CHRM2: variants seen among roughly 807,000 people sequenced by gnomAD.
CHRM2 encodes muscarinic acetylcholine receptor M2.
CHRM2 carries 8 observed loss-of-function variants against 25.0 expected under a neutral mutation model. That is an observed-to-expected ratio of 0.32 (90% CI 0.19 to 0.58). The LOEUF is 0.58. CHRM2 is among the 20% of genes least tolerant of loss of function. CHRM2 has a pLI of 0.88. For missense variants in CHRM2, 440 were observed against 567.1 expected (o/e 0.78, Z 2.28); for synonymous variants, 202 against 205.7 (o/e 0.98, Z 0.15).
chr7:136,980,618 A>G (rs987755331), intron 2 of CHRM2, among the ~76,000 whole-genome samples: 5 of 152,154 alleles, frequency 3.3e-5, no homozygotes, highest in Non-Finnish European at 7.4e-5. Context: ...GATGCGTTCC[A>G]TCAATACCTA....
At chr7:136,902,357 T>A (rs1319822397) in intron 2 of CHRM2, 2 of 152,044 alleles carry the variant, frequency 1.3e-5, no homozygotes, top group East Asian at 3.9e-4. Flanking sequence ...TCAGAAGAGT[T>A]TGAATTTAGG....
At chr7:136,897,130 CAAAAA>C (rs371077556) in intron 2 of CHRM2, among the ~76,000 whole-genome samples, 3 of 76,358 alleles carry the variant, frequency 3.9e-5, no homozygotes, top group Admixed American at 1.4e-4. Context: ...GTAGGTTGGC[CAAAAA>C]AAAAAAAAAA....
chr7:136,896,391 C>T (rs886951282), intron 2 of CHRM2, among the ~76,000 whole-genome samples: 4 of 152,070 alleles, frequency 2.6e-5, no homozygotes, highest in South Asian at 4.1e-4. Flanking sequence ...CAGCATTAAA[C>T]GAAATCTTCC....
intron 2 of CHRM2, among the ~76,000 whole-genome samples, chr7:136,942,596 C>T (rs1236366003): frequency 6.6e-6 from 1 of 152,146 alleles, no homozygotes; most frequent in Non-Finnish European, 1.5e-5. Flanking sequence ...ATTTTTAGTT[C>T]TCCTCTTGTC....
At chr7:136,960,951 C>A (rs1048212333) in intron 2 of CHRM2, among the ~76,000 whole-genome samples, 5 of 152,054 alleles carry the variant, frequency 3.3e-5, no homozygotes, top group African/African-American at 9.7e-5. Flanking sequence ...CAGGGTGAAA[C>A]CCCGTCTCTA....
chr7:136,910,172 G>C (rs1797764264), intron 2 of CHRM2, among the ~76,000 whole-genome samples: 1 of 151,810 alleles, frequency 6.6e-6, no homozygotes, highest in Admixed American at 6.6e-5. Context: ...AAAGATGCCT[G>C]TTTAATCACC....
chr7:136,897,263 A>G (rs931888906), intron 2 of CHRM2, among the ~76,000 whole-genome samples: 1 of 152,106 alleles, frequency 6.6e-6, no homozygotes. Flanking sequence ...GAGGAAGCCA[A>G]TGCATATCTA....
At chr7:136,904,520 T>C (rs1471829841) in intron 2 of CHRM2, among the ~76,000 whole-genome samples, 5 of 151,932 alleles carry the variant, frequency 3.3e-5, no homozygotes, top group Non-Finnish European at 5.9e-5. Context: ...GTTTTTCTCA[T>C]GCTTTTTTGC....
rs1228251291 is a variant in CHRM2, at chr7:136,869,060, C to T, written c.-283+68C>T. 2 of 152,070 alleles carry T rather than the reference C, an allele frequency of 1.3e-5. No homozygotes were observed. The highest frequency in any genetic ancestry group is 6.6e-5 in the Admixed American group (1 of 15,254). 9.4% of individuals were successfully genotyped at this position (152,070 alleles called of 1,614,324 possible). Reference sequence around the variant, plus strand: ...GAGGGCGGGGGCAGCGTCAATTTAACTCCAGTCTAAACCACGAACAGGTCA... The same window carrying T: ...GAGGGCGGGGGCAGCGTCAATTTAATTCCAGTCTAAACCACGAACAGGTCA... On this transcript the variant is annotated intron_variant, in intron 1 of 3. Transcript: ENST00000680005. This position sits in a 1 kb window ranked among gnomAD's most constrained non-coding sequence, Gnocchi z 4.9.
At chr7:137,010,241 G>T (rs1166333075) in intron 3 of CHRM2, among the ~76,000 whole-genome samples, 1 of 152,078 alleles carries the variant, frequency 6.6e-6, no homozygotes, top group Admixed American at 6.6e-5. Flanking sequence ...TTAAACTGTG[G>T]TTCTGTCTTC....
chr7:136,871,995 C>A (rs1795859101), intron 2 of CHRM2: 1 of 152,082 alleles, frequency 6.6e-6, no homozygotes, highest in South Asian at 2.1e-4. Context: ...CTGGGCTAGA[C>A]AATAATGCCA....
chr7:136,935,046 A>T, intron 2 of CHRM2, among the ~76,000 whole-genome samples: 1 of 152,136 alleles, frequency 6.6e-6, no homozygotes, highest in Admixed American at 6.5e-5. Flanking sequence ...TATTTTAAAG[A>T]TATCAATTGT....
intron 3 of CHRM2, among the ~76,000 whole-genome samples, chr7:137,001,939 G>A (rs903262525): frequency 1.3e-5 from 2 of 152,168 alleles, no homozygotes; most frequent in African/African-American, 4.8e-5. Flanking sequence ...GACAACCTAA[G>A]CCATCTCCTA....
intron 2 of CHRM2, among the ~76,000 whole-genome samples, chr7:136,931,168 A>G (rs1357766753): frequency 6.6e-6 from 1 of 152,190 alleles, no homozygotes; most frequent in Non-Finnish European, 1.5e-5. Flanking sequence ...TAACAGATAG[A>G]AACATGTTCA....
chr7:136,984,221 G>A (rs1046652783), intron 2 of CHRM2, among the ~76,000 whole-genome samples: 1 of 152,154 alleles, frequency 6.6e-6, no homozygotes, highest in Non-Finnish European at 1.5e-5. Context: ...ACACTTCCCA[G>A]AGGCTTTGTT....
chr7:136,938,000 C>T (rs11765746), intron 2 of CHRM2, among the ~76,000 whole-genome samples: 2 of 152,106 alleles, frequency 1.3e-5, no homozygotes, highest in Non-Finnish European at 2.9e-5. Context: ...GCAAGCGCAA[C>T]CACACTGGCA....
chr7:136,935,376 C>T (rs76951184), intron 2 of CHRM2, among the ~76,000 whole-genome samples: 2,013 of 152,224 alleles, frequency 0.013, 40 homozygotes, highest in African/African-American at 0.046. Context: ...GGTGAGTACA[C>T]AGTACCCCAG....
chr7:137,014,747 A>G, intron 3 of CHRM2, 73 bp from the exon 4 acceptor site: 1 of 940,594 alleles, frequency 1.1e-6, no homozygotes, highest in Non-Finnish European at 1.6e-6. Flanking sequence ...GTGGTTTAAA[A>G]GGAGAAACAA....
chr7:136,961,893 G>A (rs534774935), intron 2 of CHRM2, among the ~76,000 whole-genome samples: 8 of 152,222 alleles, frequency 5.3e-5, no homozygotes, highest in African/African-American at 9.6e-5. Context: ...GGACAGGGGC[G>A]TGGATCCTAG....
Sources: allele counts gnomAD v4.1 joint callset (sites outside exome capture counted in the v4.1 genomes callset), GRCh38; gene constraint gnomAD v4.1.1; non-coding constraint Gnocchi (gnomAD v3.1); transcripts MANE v1.5; gene names NCBI Gene and HGNC (gene_info 2026-07-23, HGNC 2026-07-21).